INVS: variants seen among roughly 807,000 people sequenced by gnomAD.
INVS encodes the protein inversion of embryo turning homolog.
In INVS, 86 loss-of-function variants were observed where a neutral mutation model predicts 108.8. The observed-to-expected ratio is 0.79, with a 90% CI of 0.66 to 0.95. The LOEUF is 0.95. Ranked by LOEUF, INVS falls within the 40% of genes least tolerant of loss-of-function variation. INVS has a pLI of 0.00. For missense variants in INVS, 1,169 were observed against 1,297.4 expected, an observed-to-expected ratio of 0.90 and a Z score of 1.52; for synonymous variants, 455 against 473.5, an observed-to-expected ratio of 0.96 and a Z score of 0.51.
chr9:100,180,227 G>T (rs1195906242), intron 3 of INVS, among the ~76,000 whole-genome samples: 3 of 152,026 alleles, frequency 2.0e-5, no homozygotes, highest in Non-Finnish European at 2.9e-5. Flanking sequence ...ACAATTAAAA[G>T]AACTAGAGAA....
At chr9:100,151,533 G>T (rs1013657407) in intron 3 of INVS, among the ~76,000 whole-genome samples, 1 of 151,940 alleles carries the variant, frequency 6.6e-6, no homozygotes, top group Admixed American at 6.6e-5. Context: ...AAAGGAAAGC[G>T]CTAAGAGATG....
At chr9:100,222,346 A>C (rs1831177308) in intron 3 of INVS, among the ~76,000 whole-genome samples, 1 of 152,242 alleles carries the variant, frequency 6.6e-6, no homozygotes, top group Non-Finnish European at 1.5e-5. Context: ...ATATGAGAAA[A>C]TAGAGGCACA....
intron 13 of INVS, among the ~76,000 whole-genome samples, chr9:100,288,896 G>A (rs189757392): frequency 1.7e-3 from 261 of 152,270 alleles, no homozygotes; most frequent in Middle Eastern, 6.8e-3. Context: ...AAAGGGCTGG[G>A]ATTTTATAAG....
chr9:100,149,221 C>G (rs1828731912), intron 3 of INVS, among the ~76,000 whole-genome samples: 1 of 152,152 alleles, frequency 6.6e-6, no homozygotes, highest in East Asian at 1.9e-4. Context: ...GAATGGGTAT[C>G]TGAAGAGTAA....
At chr9:100,140,782 G>T (rs931470409) in intron 3 of INVS, among the ~76,000 whole-genome samples, 1 of 152,096 alleles carries the variant, frequency 6.6e-6, no homozygotes, top group Non-Finnish European at 1.5e-5. Flanking sequence ...GTGGTAAGGG[G>T]TGATATTGTG....
intron 10 of INVS, among the ~76,000 whole-genome samples, chr9:100,261,019 G>A (rs1353463160): frequency 2.0e-5 from 3 of 152,090 alleles, no homozygotes; most frequent in African/African-American, 7.2e-5. Flanking sequence ...ACTTTCCCCA[G>A]TTGCGTAGTA....
At chr9:100,147,780 TG>T (rs1828665628) in intron 3 of INVS, among the ~76,000 whole-genome samples, 1 of 152,034 alleles carries the variant, frequency 6.6e-6, no homozygotes, top group Non-Finnish European at 1.5e-5. Context: ...AGAATGACGA[TG>T]GTGTCTATTA....
intron 3 of INVS, among the ~76,000 whole-genome samples, chr9:100,145,761 C>A (rs1268557955): frequency 6.6e-6 from 1 of 152,154 alleles, no homozygotes; most frequent in Non-Finnish European, 1.5e-5. Context: ...GATTAAACAC[C>A]AAGGGAAGAC....
At chr9:100,262,638 T>TAAATAAAAA (rs1832663243) in intron 10 of INVS, among the ~76,000 whole-genome samples, 1 of 116,484 alleles carries the variant, frequency 8.6e-6, no homozygotes, top group African/African-American at 3.3e-5. Context: ...CCTGGAGCAC[T>TAAATAAAAA]AAAAAAAAAA....
At chr9:100,248,391 T>C (rs1406717432) in intron 8 of INVS, among the ~76,000 whole-genome samples, 1 of 152,060 alleles carries the variant, frequency 6.6e-6, no homozygotes, top group Non-Finnish European at 1.5e-5. Context: ...CTTTCTTCAA[T>C]GGGGATTTTA....
At chr9:100,125,196 T>A (rs1282766101) in intron 2 of INVS, among the ~76,000 whole-genome samples, 1 of 152,192 alleles carries the variant, frequency 6.6e-6, no homozygotes, top group Non-Finnish European at 1.5e-5. Flanking sequence ...AGGGGTAAAA[T>A]ACTACCTCAT....
chr9:100,216,448 T>C (rs1830990322), intron 3 of INVS, among the ~76,000 whole-genome samples: 1 of 152,174 alleles, frequency 6.6e-6, no homozygotes, highest in Non-Finnish European at 1.5e-5. Flanking sequence ...TAAGGGACCA[T>C]TAAGCCAGCA....
intron 11 of INVS, among the ~76,000 whole-genome samples, chr9:100,266,762 T>G (rs1215898879): frequency 6.6e-6 from 1 of 152,192 alleles, no homozygotes; most frequent in Non-Finnish European, 1.5e-5. Flanking sequence ...ACAATCCCTC[T>G]GACCTAGGTC....
At chr9:100,179,324 A>G (rs1024690650) in intron 3 of INVS, among the ~76,000 whole-genome samples, 1 of 152,234 alleles carries the variant, frequency 6.6e-6, no homozygotes, top group Admixed American at 6.5e-5. Flanking sequence ...AAATGCCCCA[A>G]TTAAAAGACA....
intron 2 of INVS, among the ~76,000 whole-genome samples, chr9:100,115,267 G>A (rs149291481): frequency 6.0e-5 from 9 of 151,018 alleles, no homozygotes; most frequent in East Asian, 1.9e-4. Context: ...TTTGGCCACC[G>A]TTTAATTTCT....
chr9:100,137,111 A>G (rs1476571199), intron 3 of INVS, among the ~76,000 whole-genome samples: 1 of 152,228 alleles, frequency 6.6e-6, no homozygotes, highest in African/African-American at 2.4e-5. Flanking sequence ...TGAGTATGCT[A>G]TGAACTTAGA....
chr9:100,202,360 T>C (rs149965861), intron 3 of INVS, among the ~76,000 whole-genome samples: 71 of 152,284 alleles, frequency 4.7e-4, no homozygotes, highest in African/African-American at 1.6e-3. Context: ...TGGTCAACTT[T>C]TGACATAGAA....
At chr9:100,229,893 T>C in intron 5 of INVS, 66 bp downstream of exon 5, 2 of 1,458,808 alleles carry the variant, frequency 1.4e-6, no homozygotes, top group Non-Finnish European at 9.5e-7. Context: ...TTATTTAATA[T>C]ATACAAAAGT....
chr9:100,269,818 G>A (rs1452533549), intron 11 of INVS, among the ~76,000 whole-genome samples: 1 of 152,138 alleles, frequency 6.6e-6, no homozygotes, highest in Non-Finnish European at 1.5e-5. Context: ...ATACTAGTTT[G>A]GGTCCTATGG....
Sources: gnomAD v4.1 joint callset for allele counts (sites outside exome capture counted in the v4.1 genomes callset) on GRCh38, gnomAD v4.1.1 for gene constraint, MANE v1.5 for transcripts, NCBI Gene and HGNC (gene_info 2026-07-23, HGNC 2026-07-21) for gene names.